TUBGCP5: variants seen among roughly 807,000 people sequenced by gnomAD.
The protein encoded by TUBGCP5 is gamma-tubulin complex component 5.
In TUBGCP5, 98 loss-of-function variants were observed where a neutral mutation model predicts 134.7. The observed-to-expected ratio is 0.73, with a 90% CI of 0.62 to 0.86. TUBGCP5 has a LOEUF of 0.86. TUBGCP5 is among the 40% of genes least tolerant of loss of function. The pLI, the probability that TUBGCP5 is intolerant of heterozygous loss-of-function variation, is 0.00. For missense variants in TUBGCP5, 1,150 were observed against 1,244.8 expected (o/e 0.92, Z 1.15); for synonymous variants, 456 against 431.4 (o/e 1.06, Z -0.71).
chr15:23,006,072 A>G lies in TUBGCP5; in HGVS notation c.2513T>C (p.Leu838Pro), dbSNP rs1313282564. Residue 838 changes from leucine (L) to proline (P), a missense_variant, in exon 18 of 23, where the codon CTG becomes CCG. By Grantham distance (98) the Leu-to-Pro change is moderately conservative (BLOSUM62 -3). Around this residue, in one of 2 missense-constraint regions of TUBGCP5, gnomAD observed 697 missense variants for 850.1 expected, o/e 0.82. Coordinates refer to ENST00000615383, the MANE Select transcript of TUBGCP5 (RefSeq NM_052903.6). The stretch of plus-strand genomic sequence containing the variant: ...CTTACCACCAAAAAGTAAAACATCC[A>G]GACTATATTTTGCCCACTTTATTTG... ...LLQIKWAKYS[L>P]DVLLFGELVS... is the part of the protein sequence containing the mutation. The G allele has an allele frequency of 1.9e-6, 3 of 1,607,570 alleles. No homozygotes were observed. Among genetic ancestry groups the G allele is most frequent in the Non-Finnish European group, 2.5e-6 (3 of 1,178,758 alleles).
In TUBGCP5 at chr15:23,036,824, C is replaced by A. The variant is rs569962466; in HGVS notation, c.309+73G>T. 66 of 1,063,650 alleles carry A rather than the reference C, an allele frequency of 6.2e-5. 2 individuals are homozygous for A. In the South Asian group the frequency reaches 9.2e-4, roughly 15 times the overall value. 65.9% of individuals were successfully genotyped at this position (1,063,650 alleles called of 1,614,324 possible). A position where few individuals can be genotyped will look rare whatever the true frequency, so the allele number is the denominator to read the frequency against. On this transcript the variant is annotated intron_variant, in intron 3 of 22. Transcript: ENST00000615383. ...CTAAAATAGAATGTTTAAACAGTAA[C>A]TGAAACAAATTGACGATAATCAGAT... is the stretch of plus-strand genomic sequence containing the variant.
chr15:22,991,122 G>T lies in TUBGCP5; in HGVS notation c.*61+5723C>A, dbSNP rs890625172. ...AAATTACTTTTTTTTTTTTTGAGAC[G>T]GAGTCTCGCGCGCTCACCAGGCTGG... On this transcript the variant is annotated intron_variant and NMD_transcript_variant, in intron 23 of 23. Transcript: ENST00000614508. Among the ~76,000 whole-genome samples the T allele has an allele frequency of 5.3e-5, 8 of 150,784 alleles. No homozygotes were observed. In the East Asian group the frequency reaches 5.8e-4, roughly 11 times the overall value.
At chr15:23,037,602 G>A (rs2066671086) in intron 1 of TUBGCP5, among the ~76,000 whole-genome samples, 1 of 152,104 alleles carries the variant, frequency 6.6e-6, no homozygotes, top group Non-Finnish European at 1.5e-5. Context: ...TTTAAGATAT[G>A]GCAAGAAATG....
intron 23 of TUBGCP5, among the ~76,000 whole-genome samples, chr15:22,987,867 G>C (rs972664388): frequency 7.7e-6 from 1 of 129,314 alleles, no homozygotes; most frequent in South Asian, 2.6e-4. Flanking sequence ...CCACACTCCA[G>C]CCTGGGTGAC....
intron 19 of TUBGCP5, chr15:23,004,537 C>T (rs942268776): frequency 3.0e-5 from 7 of 232,466 alleles, no homozygotes; most frequent in East Asian, 9.4e-5. Context: ...TAAGACACAT[C>T]GATAAAAAAA....
chr15:23,025,250 T>C (rs2065920119), intron 8 of TUBGCP5, among the ~76,000 whole-genome samples: 3 of 152,072 alleles, frequency 2.0e-5, no homozygotes, highest in African/African-American at 7.2e-5. Flanking sequence ...AAAGGTCAGA[T>C]AATAAGAAAA....
chr15:23,031,075 T>A lies in TUBGCP5; in HGVS notation c.487-55A>T, dbSNP rs180983546. On this transcript the variant is annotated intron_variant, in intron 5 of 22. Coordinates refer to ENST00000615383, the MANE Select transcript of TUBGCP5 (RefSeq NM_052903.6). ...TTACAGAGTATAACACTTAAAGCTA[T>A]TTACATTAAAAGACTAAGAAAACTT... 1.8e-5 allele frequency: 26 copies of A among 1,472,420 alleles called. No homozygotes were observed. In the African/African-American group the frequency reaches 3.3e-4, roughly 19 times the overall value. The allele number at this position is 1,472,420 out of a possible 1,614,324, so 91.2% of individuals were successfully genotyped here.
intron 6 of TUBGCP5, among the ~76,000 whole-genome samples, chr15:23,027,582 C>CA (rs1555443856): frequency 1.3e-5 from 2 of 151,642 alleles, no homozygotes; most frequent in African/African-American, 4.9e-5. Context: ...TATGACCCCC[C>CA]ATCTCCACAA....
chr15:22,989,488 C>T (rs1335857546), intron 23 of TUBGCP5, among the ~76,000 whole-genome samples: 6 of 152,184 alleles, frequency 3.9e-5, no homozygotes, highest in South Asian at 2.1e-4. Flanking sequence ...GTTAACTTGG[C>T]ACCCATACAT....
chr15:23,012,566 C>A (rs1230288720), intron 13 of TUBGCP5, among the ~76,000 whole-genome samples: 2 of 152,144 alleles, frequency 1.3e-5, no homozygotes, highest in Non-Finnish European at 2.9e-5. Context: ...TGCCATCATG[C>A]CCAGCTAATT....
At chr15:23,009,272 A>T (rs61568558) in intron 15 of TUBGCP5, among the ~76,000 whole-genome samples, 1 of 143,104 alleles carries the variant, frequency 7.0e-6, no homozygotes, top group Non-Finnish European at 1.5e-5. Context: ...TAATTGCCAT[A>T]ATTTTTTTTT....
intron 23 of TUBGCP5, among the ~76,000 whole-genome samples, chr15:22,993,535 T>G (rs904689235): frequency 2.1e-5 from 2 of 93,110 alleles, no homozygotes; most frequent in African/African-American, 4.3e-5. Context: ...GTTTTTTTTT[T>G]TTTTTTTTTT....
intron 5 of TUBGCP5, 54 bp downstream of exon 5, chr15:23,031,896 C>T: frequency 1.4e-6 from 2 of 1,402,026 alleles, no homozygotes; most frequent in Admixed American, 3.8e-5. Flanking sequence ...TGAAAATCAT[C>T]TATATCACCT....
intron 23 of TUBGCP5, among the ~76,000 whole-genome samples, chr15:22,988,904 TTG>T (rs1200120387): frequency 6.6e-6 from 1 of 151,916 alleles, no homozygotes; most frequent in Non-Finnish European, 1.5e-5. Flanking sequence ...CAGCTAGTTT[TTG>T]TGTTTTTAGT....
chr15:23,009,426 GCCCGGC>G (rs2064909839), intron 15 of TUBGCP5, among the ~76,000 whole-genome samples: 1 of 151,746 alleles, frequency 6.6e-6, no homozygotes. Flanking sequence ...CCGGCACCAC[GCCCGGC>G]GAATTTTTTG....
In TUBGCP5 at chr15:23,019,804, G is replaced by GA. The variant is rs926403886; in HGVS notation, c.1372-471dup. ...GAGTGACACTGTCTCAAAACAAAAA[G>GA]AAAAAAAAAAGAAAAAAGAAAAACT... On this transcript the variant is annotated intron_variant, in intron 11 of 22. Coordinates refer to ENST00000615383, the MANE Select transcript of TUBGCP5 (RefSeq NM_052903.6). 4.2e-5 allele frequency among the ~76,000 whole-genome samples: 6 copies of GA among 141,408 alleles called. No homozygotes were observed. The East Asian group carries it at 6.1e-4, about 14-fold the overall frequency. The allele number at this position is 141,408 out of a possible 152,430, so 92.8% of individuals were successfully genotyped here.
chr15:23,021,099 G>C (rs572073216), intron 11 of TUBGCP5, among the ~76,000 whole-genome samples: 1 of 152,212 alleles, frequency 6.6e-6, no homozygotes, highest in East Asian at 1.9e-4. Context: ...ATGTTGGCCA[G>C]GCTGGTCTCG....
At chr15:22,983,031 T>A (rs1451529008), downstream of TUBGCP5, among the ~76,000 whole-genome samples, 1 of 152,212 alleles carries the variant, frequency 6.6e-6, no homozygotes, top group Non-Finnish European at 1.5e-5. Context: ...CATAGAGATT[T>A]GAACTTCTCT....
At position 23,029,285 on chromosome 15, in the gene TUBGCP5, G is replaced by C. The variant is rs144253558; in HGVS notation, c.622+1600C>G. ...TGCCCAGGCTGGAGTGCAATGGTGTGATCTTGGCTCTCTGCAACCTCTACC... is the reference window on the plus strand; with the variant it reads ...TGCCCAGGCTGGAGTGCAATGGTGTCATCTTGGCTCTCTGCAACCTCTACC... On this transcript the variant is annotated intron_variant, in intron 6 of 22. Coordinates refer to ENST00000615383, the MANE Select transcript of TUBGCP5 (RefSeq NM_052903.6). Among the ~76,000 whole-genome samples, 538 of 152,232 alleles carry C rather than the reference G, an allele frequency of 3.5e-3. 2 individuals are homozygous for C. The Middle Eastern group carries it at 0.041, about 12-fold the overall frequency.
Sources: gnomAD v4.1 joint callset for allele counts (sites outside exome capture counted in the v4.1 genomes callset) on GRCh38, gnomAD v4.1.1 for gene constraint, gnomAD v4.1.1 regional missense constraint, MANE v1.5 for transcripts, NCBI Gene and HGNC (gene_info 2026-07-23, HGNC 2026-07-21) for gene names.